The following MAGI2 variants were observed in gnomAD, a reference collection of about 807,000 sequenced individuals.
MAGI2 encodes membrane associated guanylate kinase, WW and PDZ domain containing 2.
A neutral mutation model predicts 133.3 loss-of-function variants in MAGI2; 35 were observed. The ratio of observed to expected loss-of-function variants is 0.26; its 90% confidence interval spans 0.20 to 0.35. The LOEUF is 0.35. Among genes scored for constraint, MAGI2 ranks in the 10% least tolerant of loss-of-function variants. MAGI2 has a pLI of 1.00. For synonymous variants in MAGI2, 729 were observed against 710.6 expected, an observed-to-expected ratio of 1.03 and a Z score of -0.41; for missense variants, 1,636 against 1,863.4, an observed-to-expected ratio of 0.88 and a Z score of 2.25.
At chr7:78,266,049 A>G (rs140636956) in intron 9 of MAGI2, among the ~76,000 whole-genome samples, 129 of 152,326 alleles carry the variant, frequency 8.5e-4, no homozygotes, top group African/African-American at 2.9e-3. Flanking sequence ...ACAAGGAGAG[A>G]GAGTGAGAGG....
At chr7:79,151,976 C>A (rs939815931) in intron 1 of MAGI2, among the ~76,000 whole-genome samples, 2 of 152,032 alleles carry the variant, frequency 1.3e-5, no homozygotes, top group South Asian at 2.1e-4. Context: ...TCAAGGACAC[C>A]ACTTCAGGAT....
intron 1 of MAGI2, among the ~76,000 whole-genome samples, chr7:79,395,915 C>T (rs879405149): frequency 2.0e-5 from 3 of 152,128 alleles, no homozygotes; most frequent in Admixed American, 1.3e-4. Flanking sequence ...TAGGCTAAAA[C>T]ATGAATATAT....
At chr7:78,154,606 A>G (rs1824203779) in intron 16 of MAGI2, among the ~76,000 whole-genome samples, 2 of 152,156 alleles carry the variant, frequency 1.3e-5, no homozygotes, top group Admixed American at 1.3e-4. Context: ...ATAGCCTGTC[A>G]ACCTCCACCA....
At chr7:79,285,997 A>T (rs375865507) in intron 1 of MAGI2, among the ~76,000 whole-genome samples, 3 of 152,234 alleles carry the variant, frequency 2.0e-5, no homozygotes, top group South Asian at 4.1e-4. Context: ...ACTTCATGGG[A>T]TCTACTGGGG....
chr7:79,142,377 A>G (rs769718799), intron 1 of MAGI2, among the ~76,000 whole-genome samples: 2 of 152,160 alleles, frequency 1.3e-5, no homozygotes, highest in African/African-American at 2.4e-5. Context: ...ACATAAATTT[A>G]TGTTGTTAAA....
At chr7:79,202,352 T>C (rs1389283234) in intron 1 of MAGI2, among the ~76,000 whole-genome samples, 1 of 152,000 alleles carries the variant, frequency 6.6e-6, no homozygotes, top group African/African-American at 2.4e-5. Context: ...TGAGGAAGCC[T>C]GAATTTAATG....
At chr7:78,567,105 T>C (rs1801018769) in intron 3 of MAGI2, among the ~76,000 whole-genome samples, 1 of 152,216 alleles carries the variant, frequency 6.6e-6, no homozygotes, top group African/African-American at 2.4e-5. Flanking sequence ...GTCCCCGTTA[T>C]TGTCCCCATT....
At chr7:78,919,156 C>A (rs572857424) in intron 2 of MAGI2, among the ~76,000 whole-genome samples, 2 of 152,086 alleles carry the variant, frequency 1.3e-5, no homozygotes, top group South Asian at 4.1e-4. Context: ...TCTCCATTTT[C>A]ACTGTGTCTT....
intron 1 of MAGI2, among the ~76,000 whole-genome samples, chr7:79,384,819 T>G (rs1844062532): frequency 6.6e-6 from 1 of 151,722 alleles, no homozygotes; most frequent in Non-Finnish European, 1.5e-5. Context: ...ATGAAATGTT[T>G]TCATCTGTAT....
At chr7:79,366,100 A>G (rs1444728319) in intron 1 of MAGI2, among the ~76,000 whole-genome samples, 1 of 151,014 alleles carries the variant, frequency 6.6e-6, no homozygotes, top group Non-Finnish European at 1.5e-5. Flanking sequence ...TTAGCTGGGC[A>G]TGGTGGTGGT....
chr7:78,826,351 T>TA (rs1212068156), intron 2 of MAGI2, among the ~76,000 whole-genome samples: 5,147 of 71,046 alleles, frequency 0.072, 157 homozygotes, highest in Middle Eastern at 0.14. Flanking sequence ...AGACTCCGTC[T>TA]AAAAAAAAAA....
At chr7:78,750,798 G>T (rs1823383133) in intron 2 of MAGI2, among the ~76,000 whole-genome samples, 1 of 152,120 alleles carries the variant, frequency 6.6e-6, no homozygotes, top group Non-Finnish European at 1.5e-5. Context: ...CTAAAGAAGT[G>T]TTATAAAGGT....
At chr7:79,102,813 A>G (rs1584934367) in intron 1 of MAGI2, among the ~76,000 whole-genome samples, 1 of 152,200 alleles carries the variant, frequency 6.6e-6, no homozygotes, top group Admixed American at 6.5e-5. Flanking sequence ...CTACAGTCCC[A>G]TTATTCAGTC....
At chr7:79,044,844 C>G (rs1371887398) in intron 1 of MAGI2, among the ~76,000 whole-genome samples, 1 of 152,128 alleles carries the variant, frequency 6.6e-6, no homozygotes, top group Admixed American at 6.6e-5. Flanking sequence ...AATGGCATAA[C>G]CACTTGGAAA....
intron 9 of MAGI2, among the ~76,000 whole-genome samples, chr7:78,289,009 C>G (rs573636211): frequency 1.1e-3 from 174 of 152,254 alleles, no homozygotes; most frequent in African/African-American, 4.0e-3. Flanking sequence ...GAAAACAGAG[C>G]AGAAAAGCTG....
chr7:78,347,081 G>A (rs924306343), intron 7 of MAGI2: 12 of 152,306 alleles, frequency 7.9e-5, no homozygotes, highest in Middle Eastern at 3.4e-3. Context: ...CACATGTCTC[G>A]TAAGTGGAAA....
intron 3 of MAGI2, among the ~76,000 whole-genome samples, chr7:78,619,721 A>T (rs1451367054): frequency 6.6e-6 from 1 of 151,980 alleles, no homozygotes; most frequent in Non-Finnish European, 1.5e-5. Context: ...TTGGACCAAC[A>T]TAGCATGCAA....
At chr7:78,610,845 T>A (rs1465991196) in intron 3 of MAGI2, among the ~76,000 whole-genome samples, 1 of 152,156 alleles carries the variant, frequency 6.6e-6, no homozygotes, top group Non-Finnish European at 1.5e-5. Flanking sequence ...AAGCGAGTCA[T>A]CCCGTTTTGG....
intron 1 of MAGI2, among the ~76,000 whole-genome samples, chr7:79,192,698 G>C (rs777667736): frequency 9.9e-5 from 15 of 151,792 alleles, no homozygotes; most frequent in Non-Finnish European, 1.9e-4. Flanking sequence ...ATGGGGAAGA[G>C]TGACTTATTA....
Sources: allele counts gnomAD v4.1 joint callset (sites outside exome capture counted in the v4.1 genomes callset), GRCh38; gene constraint gnomAD v4.1.1; transcripts MANE v1.5; gene names NCBI Gene and HGNC (gene_info 2026-07-23, HGNC 2026-07-21).